CLDN25: variants seen among roughly 807,000 people sequenced by gnomAD.
The protein encoded by CLDN25 is claudin-25.
For missense variants in CLDN25, 286 were observed against 279.7 expected, an observed-to-expected ratio of 1.02 and a Z score of -0.16; for synonymous variants, 117 against 112.7, an observed-to-expected ratio of 1.04 and a Z score of -0.24.
At chr11:113,780,299 G>A in exon 1 of CLDN25, 1 of 1,613,792 alleles carries the variant, frequency 6.2e-7, no homozygotes, top group Non-Finnish European at 8.5e-7. Context: ...CCCTCTACTT[G>A]GGCTGGGCTG....
At chr11:113,779,935 T>A in exon 1 of CLDN25, 1 of 1,614,000 alleles carries the variant, frequency 6.2e-7, no homozygotes, top group Non-Finnish European at 8.5e-7. Flanking sequence ...GAGACCTGGA[T>A]CATGGGGATT....
Position 113,780,394 on chromosome 11 carries a change from C to T in CLDN25, c.599C>T (p.Ala200Val), listed in dbSNP as rs201639185. The stretch of plus-strand genomic sequence containing the variant: ...GAAGATGTGCCTTTTCCTTTGATGG[C>T]TGGTCCCACAGTCCCCCTATCCTGT... Residue 200 changes from alanine (A) to valine (V), a missense_variant, in exon 1 of 1, where the codon GCT becomes GTT. By Grantham distance (64) the Ala-to-Val change is moderately conservative. Coordinates refer to ENST00000453129, the Ensembl canonical transcript of CLDN25. 2.2e-4 allele frequency: 362 copies of T among 1,613,766 alleles called. 2 individuals are homozygous for T. Among genetic ancestry groups the T allele is most frequent in the Admixed American group, 1.2e-3 (74 of 59,998 alleles).
Position 113,779,871 on chromosome 11 carries a change from G to GT in CLDN25, c.78dup (p.Thr27TyrfsTer11). ...CCTCCTTGGCTGGGTCTGCTCCTGT[G>GT]TTACCACCATCCTGCCCCAGTGGAA... On this transcript the variant is annotated frameshift_variant, in exon 1 of 1. Coordinates refer to ENST00000453129, the Ensembl canonical transcript of CLDN25. LOFTEE classifies it low-confidence loss of function (END_TRUNC). 1 of 1,613,990 alleles carries GT rather than the reference G, an allele frequency of 6.2e-7. No homozygotes were observed. The highest frequency in any genetic ancestry group is 8.5e-7 in the Non-Finnish European group (1 of 1,179,892).
At chr11:113,780,223 C>A (rs1423979060) in exon 1 of CLDN25, 2 of 1,613,922 alleles carry the variant, frequency 1.2e-6, no homozygotes, top group Non-Finnish European at 1.7e-6. Context: ...GTGGCCCATG[C>A]CACAATCCAA....
exon 1 of CLDN25, chr11:113,780,371 A>C: frequency 6.2e-7 from 1 of 1,613,900 alleles, no homozygotes; most frequent in Non-Finnish European, 8.5e-7. Context: ...TGGGAAAAGA[A>C]GATGTGCCTT....
exon 1 of CLDN25, chr11:113,780,322 T>C (rs1037281726): frequency 6.2e-6 from 10 of 1,613,664 alleles, no homozygotes; most frequent in African/African-American, 2.7e-5. Flanking sequence ...GGTATTTTCC[T>C]GGCTCTTGGT....
rs1248585903 is a variant in CLDN25 at position 113,780,261 on chromosome 11, A to G, written c.466A>G (p.Ile156Val). 3.1e-6 allele frequency: 5 copies of G among 1,613,496 alleles called. No individual in the cohort carries two copies. Among genetic ancestry groups the G allele is most frequent in the Admixed American group, 3.3e-5 (2 of 59,960 alleles). The change falls in exon 1 of 1, where the codon ATC (isoleucine) becomes GTC (valine). Residue 156 changes from isoleucine (I) to valine (V), a missense_variant. By Grantham distance (29) the Ile-to-Val change is conservative. Transcript: ENST00000453129. ...CTTCTGGGATGACAGCATCCCTGACATCATACCTCGGTGGGAGTTTGGAGG... is the reference window on the plus strand; with the variant it reads ...CTTCTGGGATGACAGCATCCCTGACGTCATACCTCGGTGGGAGTTTGGAGG...
exon 1 of CLDN25, chr11:113,780,049 T>C: frequency 6.2e-7 from 1 of 1,614,052 alleles, no homozygotes; most frequent in Non-Finnish European, 8.5e-7. Flanking sequence ...ATCCTCATGG[T>C]AGCCTCCCAT....
chr11:113,779,930 C>T (rs1465217329), exon 1 of CLDN25: 2 of 1,614,014 alleles, frequency 1.2e-6, no homozygotes, highest in Non-Finnish European at 1.7e-6. Context: ...AGATGGAGAC[C>T]TGGATCATGG....
Position 113,780,035 on chromosome 11 carries a change from C to T in CLDN25, c.240C>T (p.Ala80=), listed in dbSNP as rs182753809. Residue 80 remains alanine, a synonymous_variant, in exon 1 of 1, where the codon GCC becomes GCT. Coordinates refer to ENST00000453129, the Ensembl canonical transcript of CLDN25. The stretch of plus-strand genomic sequence containing the variant: ...CTCTGCCCCAGGAGCTCCAGGTAGC[C>T]CGCATCCTCATGGTAGCCTCCCATG... The T allele has an allele frequency of 1.9e-3, 3,114 of 1,614,048 alleles. 25 individuals are homozygous for T. The highest frequency in any genetic ancestry group is 7.6e-3 in the Middle Eastern group (46 of 6,062).
At position 113,780,008 on chromosome 11, in the gene CLDN25, G is replaced by T. The variant is rs368118465; in HGVS notation, c.213G>T (p.Leu71Phe). 3 of 1,614,042 alleles carry T rather than the reference G, an allele frequency of 1.9e-6. No homozygotes were observed. The East Asian group carries it at 6.7e-5, about 36-fold the overall frequency. Residue 71 changes from leucine (L) to phenylalanine (F), a missense_variant, in exon 1 of 1, where the codon TTG (leucine) becomes TTT (phenylalanine). Leu to Phe is a conservative substitution (Grantham distance 22). Coordinates refer to ENST00000453129, the Ensembl canonical transcript of CLDN25. ...TGTGCAAGGCCTTTGAATCCTTCTT[G>T]TCTCTGCCCCAGGAGCTCCAGGTAG...
chr11:113,780,276 G>A (rs1937806205), exon 1 of CLDN25: 8 of 1,613,622 alleles, frequency 5.0e-6, no homozygotes, highest in Non-Finnish European at 6.8e-6. Context: ...ACCTCGGTGG[G>A]AGTTTGGAGG....
chr11:113,780,012 C>T, exon 1 of CLDN25: 1 of 1,614,048 alleles, frequency 6.2e-7, no homozygotes, highest in East Asian at 2.2e-5. Context: ...CTTCTTGTCT[C>T]TGCCCCAGGA....
exon 1 of CLDN25, chr11:113,779,866 C>G (rs1211591766): frequency 6.2e-7 from 1 of 1,614,014 alleles, no homozygotes; most frequent in East Asian, 2.2e-5. Flanking sequence ...TGGGTCTGCT[C>G]CTGTGTTACC....
At chr11:113,779,890 A>G in exon 1 of CLDN25, 1 of 1,613,924 alleles carries the variant, frequency 6.2e-7, no homozygotes, top group South Asian at 1.1e-5. Flanking sequence ...ATCCTGCCCC[A>G]GTGGAAGACT....
rs199984262 is a variant in CLDN25 at position 113,780,150 on chromosome 11, G to C, written c.355G>C (p.Gly119Arg). The stretch of plus-strand genomic sequence containing the variant: ...CAGATGGGTATTCAAGAGGCGGCTT[G>C]GTCTCCTGGGAAGGACTTTGGAGGC... Residue 119 changes from glycine (G) to arginine (R), a missense_variant, in exon 1 of 1, where the codon GGT (glycine) becomes CGT (arginine). Physicochemically the swap from Gly to Arg is moderately radical, Grantham distance 125. Transcript: ENST00000453129. 12 of 1,613,976 alleles carry C rather than the reference G, an allele frequency of 7.4e-6. No homozygotes were observed. The East Asian group carries it at 2.5e-4, about 33-fold the overall frequency.
At position 113,780,314 on chromosome 11, in the gene CLDN25, TA is replaced by T; in HGVS notation, c.520del (p.Ile174PhefsTer25). Reference sequence around the variant, plus strand: ...CCCTCTACTTGGGCTGGGCTGCTGGTATTTTCCTGGCTCTTGGTGGGCTACT... The same window carrying T: ...CCCTCTACTTGGGCTGGGCTGCTGGTTTTTCCTGGCTCTTGGTGGGCTACT... On this transcript the variant is annotated frameshift_variant, in exon 1 of 1. Coordinates refer to ENST00000453129, the Ensembl canonical transcript of CLDN25. LOFTEE classifies it low-confidence loss of function (END_TRUNC). The T allele has an allele frequency of 6.2e-7, 1 of 1,613,836 alleles. No individual in the cohort carries two copies. The highest frequency in any genetic ancestry group is 8.5e-7 in the Non-Finnish European group (1 of 1,179,876).
Position 113,780,304 on chromosome 11 carries a change from G to A in CLDN25, c.509G>A (p.Trp170Ter). The change falls in exon 1 of 1, where the codon TGG becomes TAG. Residue 170 changes from tryptophan (W) to a stop codon, truncating the protein, a stop_gained. Coordinates refer to ENST00000453129, the Ensembl canonical transcript of CLDN25. LOFTEE classifies it low-confidence loss of function (END_TRUNC). ...TTTGGAGGTGCCCTCTACTTGGGCT[G>A]GGCTGCTGGTATTTTCCTGGCTCTT... The A allele has an allele frequency of 6.2e-7, 1 of 1,613,798 alleles. No homozygotes were observed. The highest frequency in any genetic ancestry group is 1.1e-5 in the South Asian group (1 of 91,040).
At chr11:113,779,811 C>T (rs918393061) in exon 1 of CLDN25, 20 of 1,610,746 alleles carry the variant, frequency 1.2e-5, no homozygotes, top group Non-Finnish European at 1.7e-5. Flanking sequence ...CTGGAGTTTC[C>T]GTGCAAAAGT....
Sources: allele counts gnomAD v4.1 joint callset, GRCh38; gene constraint gnomAD v4.1.1; transcripts MANE v1.5; gene names NCBI Gene and HGNC (gene_info 2026-07-23, HGNC 2026-07-21).